SPOCK3: variants seen among roughly 807,000 people sequenced by gnomAD.
SPOCK3 encodes the protein SPARC (osteonectin), cwcv and kazal like domains proteoglycan 3.
SPOCK3 carries 30 observed loss-of-function variants against 56.6 expected under a neutral mutation model. The observed-to-expected ratio is 0.53, with a 90% CI of 0.40 to 0.72. The LOEUF (loss-of-function observed/expected upper bound fraction) is 0.72. SPOCK3 is among the 30% of genes least tolerant of loss of function. The pLI is 0.00. For synonymous variants in SPOCK3, 196 were observed against 183.3 expected (o/e 1.07, Z -0.56); for missense variants, 527 against 530.0 (o/e 0.99, Z 0.06).
chr4:166,949,974 C>A (rs1579764657), intron 4 of SPOCK3, among the ~76,000 whole-genome samples: 2 of 150,916 alleles, frequency 1.3e-5, no homozygotes, highest in East Asian at 3.9e-4. Context: ...CCAGCCACTG[C>A]AAAATCATGC....
chr4:166,832,905 G>C (rs1052317265), intron 6 of SPOCK3, among the ~76,000 whole-genome samples: 2 of 152,118 alleles, frequency 1.3e-5, no homozygotes, highest in African/African-American at 4.8e-5. Flanking sequence ...CTACTAGAGT[G>C]GGGTGGGAAG....
chr4:166,997,256 T>C (rs920232569), intron 4 of SPOCK3, among the ~76,000 whole-genome samples: 1 of 152,080 alleles, frequency 6.6e-6, no homozygotes, highest in Non-Finnish European at 1.5e-5. Context: ...TAAACCACCA[T>C]GGGACACATT....
At chr4:166,815,521 G>A (rs1254820885) in intron 6 of SPOCK3, among the ~76,000 whole-genome samples, 2 of 151,990 alleles carry the variant, frequency 1.3e-5, no homozygotes, top group African/African-American at 2.4e-5. Flanking sequence ...GGCAAGCAAG[G>A]TGGCTCACAC....
chr4:167,047,423 G>A (rs757989534), intron 3 of SPOCK3, among the ~76,000 whole-genome samples: 3 of 152,126 alleles, frequency 2.0e-5, no homozygotes, highest in Admixed American at 1.3e-4. Flanking sequence ...ATAACTAGTC[G>A]TAAACTTTTG....
chr4:167,171,732 A>T (rs1181981130), intron 2 of SPOCK3, among the ~76,000 whole-genome samples: 1 of 152,138 alleles, frequency 6.6e-6, no homozygotes. Context: ...CTAACTTTGC[A>T]TTAAAATCTA....
chr4:167,076,012 T>TA (rs1757145511), intron 2 of SPOCK3, among the ~76,000 whole-genome samples: 2 of 151,910 alleles, frequency 1.3e-5, no homozygotes, highest in Non-Finnish European at 2.9e-5. Context: ...GGGAAATATA[T>TA]TTTAATGTCA....
At chr4:167,047,268 T>A (rs2150212853) in intron 3 of SPOCK3, among the ~76,000 whole-genome samples, 1 of 152,266 alleles carries the variant, frequency 6.6e-6, no homozygotes, top group South Asian at 2.1e-4. Context: ...AAAAATAGGG[T>A]AACTATAAAA....
chr4:166,964,715 G>A (rs1018964959), intron 4 of SPOCK3, among the ~76,000 whole-genome samples: 1 of 151,580 alleles, frequency 6.6e-6, no homozygotes, highest in African/African-American at 2.4e-5. Context: ...TTCTAAAAGA[G>A]AACAGGACAG....
chr4:166,938,415 A>G (rs1278417133), intron 4 of SPOCK3, among the ~76,000 whole-genome samples: 1 of 152,190 alleles, frequency 6.6e-6, no homozygotes, highest in Non-Finnish European at 1.5e-5. Flanking sequence ...GTATACATTC[A>G]TAATTACTTG....
At chr4:166,978,127 C>A (rs1746158708) in intron 4 of SPOCK3, among the ~76,000 whole-genome samples, 1 of 152,038 alleles carries the variant, frequency 6.6e-6, no homozygotes, top group African/African-American at 2.4e-5. Context: ...TGGGCCAAGC[C>A]CATATTAGTA....
chr4:167,214,454 T>C (rs1319764090), intron 2 of SPOCK3, among the ~76,000 whole-genome samples: 1 of 152,084 alleles, frequency 6.6e-6, no homozygotes, highest in Admixed American at 6.6e-5. Context: ...TTGTTTGGGG[T>C]ACTAAAAACA....
At chr4:166,898,925 G>A (rs181463802) in intron 5 of SPOCK3, among the ~76,000 whole-genome samples, 1 of 152,220 alleles carries the variant, frequency 6.6e-6, no homozygotes, top group East Asian at 1.9e-4. Flanking sequence ...ACTGAGTACA[G>A]AAGACCCTCT....
intron 2 of SPOCK3, among the ~76,000 whole-genome samples, chr4:167,133,538 T>C (rs377696608): frequency 6.6e-6 from 1 of 152,220 alleles, no homozygotes; most frequent in African/African-American, 2.4e-5. Flanking sequence ...CAGTAGTAGA[T>C]GTCTTACAGA....
At chr4:167,023,904 A>G (rs1444983721) in intron 3 of SPOCK3, among the ~76,000 whole-genome samples, 1 of 152,042 alleles carries the variant, frequency 6.6e-6, no homozygotes, top group African/African-American at 2.4e-5. Flanking sequence ...CCTCTTTAAA[A>G]TTTATCATCT....
chr4:166,738,004 C>A (rs1159124342), intron 9 of SPOCK3, among the ~76,000 whole-genome samples: 2 of 152,180 alleles, frequency 1.3e-5, no homozygotes, highest in Admixed American at 6.6e-5. Flanking sequence ...TCGCTGCCAA[C>A]TTTCTACTTT....
Position 167,201,535 on chromosome 4 carries a change from C to T in SPOCK3, c.189+32450G>A, listed in dbSNP as rs148710719. On this transcript the variant is annotated intron_variant, in intron 2 of 10. Transcript: ENST00000357545. ...TAAATATCTCAAAATAAATGCATGC[C>T]TGCTTTTGCAAGAGTAATACTGTCT... Among the ~76,000 whole-genome samples the T allele has an allele frequency of 9.2e-5, 14 of 151,960 alleles. No homozygotes were observed. In the East Asian group the frequency reaches 2.7e-3, roughly 29 times the overall value.
At chr4:167,081,733 G>A (rs1050892783) in intron 2 of SPOCK3, among the ~76,000 whole-genome samples, 2 of 151,990 alleles carry the variant, frequency 1.3e-5, no homozygotes, top group African/African-American at 2.4e-5. Flanking sequence ...GCCAAAAATA[G>A]GAGAAAGTCA....
At chr4:167,216,790 GA>G (rs150438916) in intron 2 of SPOCK3, among the ~76,000 whole-genome samples, 2 of 151,978 alleles carry the variant, frequency 1.3e-5, no homozygotes, top group African/African-American at 4.8e-5. Flanking sequence ...AGTATTTTCT[GA>G]AAAAGTAACC....
chr4:166,740,486 A>G (rs1734712423), intron 9 of SPOCK3, among the ~76,000 whole-genome samples: 1 of 146,412 alleles, frequency 6.8e-6, no homozygotes, highest in Admixed American at 7.1e-5. Flanking sequence ...ACAAATCTAT[A>G]TAAGAACTTA....
Sources: allele counts gnomAD v4.1 joint callset (sites outside exome capture counted in the v4.1 genomes callset), GRCh38; gene constraint gnomAD v4.1.1; transcripts MANE v1.5; gene names NCBI Gene and HGNC (gene_info 2026-07-23, HGNC 2026-07-21).